Variants in CCNT1 observed in about 807,000 individuals in gnomAD.
CCNT1 encodes cyclin-T1.
CCNT1 carries 18 observed loss-of-function variants against 67.3 expected under a neutral mutation model. The ratio of observed to expected loss-of-function variants is 0.27; its 90% CI spans 0.18 to 0.40. The LOEUF is 0.40. Among genes scored for constraint, CCNT1 ranks in the 10% least tolerant of loss-of-function variants. The pLI, the probability that CCNT1 is intolerant of heterozygous loss-of-function variation, is 1.00. For synonymous variants in CCNT1, 333 were observed against 310.3 expected (o/e 1.07, Z -0.77); for missense variants, 744 against 884.9 (o/e 0.84, Z 2.02).
rs1223164085 is a variant in CCNT1 at position 48,701,003 on chromosome 12, A to G, written c.433+10T>C. 6.7e-7 allele frequency: 1 copy of G among 1,483,682 alleles called. No homozygotes were observed. Among genetic ancestry groups the G allele is most frequent in the Non-Finnish European group, 9.2e-7 (1 of 1,083,898 alleles). The allele number at this position is 1,483,682 out of a possible 1,614,324, so 91.9% of individuals were successfully genotyped here. On this transcript the variant is annotated intron_variant, in intron 4 of 8. Transcript: ENST00000261900. ...ATTTAAAAAAATGTTTCAAAGGAAAATAAACTTACCTAAAGTCTGCAAAAT... is the reference window on the plus strand; with the variant it reads ...ATTTAAAAAAATGTTTCAAAGGAAAGTAAACTTACCTAAAGTCTGCAAAAT...
intron 2 of CCNT1, among the ~76,000 whole-genome samples, chr12:48,709,637 G>A (rs1012028338): frequency 6.6e-6 from 1 of 152,108 alleles, no homozygotes; most frequent in Non-Finnish European, 1.5e-5. Context: ...AGGGAAGTAT[G>A]GAAAGATGTC....
Position 48,692,985 on chromosome 12 carries a change from T to C in CCNT1, c.*48A>G. The C allele has an allele frequency of 8.3e-7, 1 of 1,210,688 alleles. No homozygotes were observed. The allele number at this position is 1,210,688 out of a possible 1,614,324, so 75.0% of individuals were successfully genotyped here. A position where few individuals can be genotyped will look rare whatever the true frequency, so the allele number is the denominator to read the frequency against. ...TTAGTCCAAAAAAAAAAAAGAAAAA[T>C]TATGTGTTTTTTTAAAGAAGTTTTT... On this transcript the variant is annotated 3_prime_UTR_variant, in exon 9 of 9. Transcript: ENST00000261900.
At chr12:48,713,852 C>T (rs1051261605) in intron 2 of CCNT1, among the ~76,000 whole-genome samples, 1 of 152,102 alleles carries the variant, frequency 6.6e-6, no homozygotes, top group African/African-American at 2.4e-5. Flanking sequence ...TAATGTTACT[C>T]CTCCAACCCC....
chr12:48,698,093 G>A, intron 6 of CCNT1, 45 bp downstream of exon 6: 1 of 1,303,820 alleles, frequency 7.7e-7, no homozygotes, highest in Non-Finnish European at 1.1e-6. Flanking sequence ...CTCAAGTAAA[G>A]TCCTATACCA....
chr12:48,707,304 T>G (rs1342069072), intron 2 of CCNT1, among the ~76,000 whole-genome samples: 1 of 150,316 alleles, frequency 6.7e-6, no homozygotes, highest in Non-Finnish European at 1.5e-5. Flanking sequence ...TTTTTTTTTT[T>G]GAGACAGCAT....
chr12:48,699,519 C>T (rs1006074857), intron 5 of CCNT1, among the ~76,000 whole-genome samples: 1 of 152,186 alleles, frequency 6.6e-6, no homozygotes, highest in Non-Finnish European at 1.5e-5. Context: ...CATAAAATTT[C>T]TGTTAAATAA....
In CCNT1 at chr12:48,695,260, A is replaced by G. The variant is rs143793360; in HGVS notation, c.777+499T>C. ...ATGGAAACATTTTAAAACAAGTTTT[A>G]TATCTGACAGAAAAAAAAGGAATGA... On this transcript the variant is annotated intron_variant, in intron 8 of 8. Transcript: ENST00000261900. 2.7e-4 allele frequency among the ~76,000 whole-genome samples: 41 copies of G among 152,354 alleles called. 1 individual carries two copies. The East Asian group carries it at 7.7e-3, about 29-fold the overall frequency.
At chr12:48,708,480 G>T (rs573034778) in intron 2 of CCNT1, among the ~76,000 whole-genome samples, 58 of 152,140 alleles carry the variant, frequency 3.8e-4, no homozygotes, top group African/African-American at 1.3e-3. Flanking sequence ...CCAGGAGGTG[G>T]GGGTTGCAGT....
Position 48,701,089 on chromosome 12 carries a change from C to A in CCNT1, c.373-16G>T. On this transcript the variant is annotated splice_polypyrimidine_tract_variant and intron_variant, in intron 3 of 8. Coordinates refer to ENST00000261900, the MANE Select transcript of CCNT1 (RefSeq NM_001240.4). ...GCAAATAAGCCTAAAAGTGAGAAGA[C>A]AGAAATTATTCCCTACAAAGGCACA... 6.6e-7 allele frequency: 1 copy of A among 1,519,162 alleles called. No individual in the cohort carries two copies. Among genetic ancestry groups the A allele is most frequent in the South Asian group, 1.2e-5 (1 of 83,218 alleles). 94.1% of individuals were successfully genotyped at this position (1,519,162 alleles called of 1,614,324 possible).
intron 1 of CCNT1, among the ~76,000 whole-genome samples, chr12:48,715,238 G>A (rs979126824): frequency 2.6e-5 from 4 of 152,208 alleles, no homozygotes; most frequent in Non-Finnish European, 5.9e-5. Context: ...CTGGACATCA[G>A]CAGGAAACAA....
At chr12:48,705,989 T>TA (rs1940351192) in intron 2 of CCNT1, 93 bp from the exon 3 acceptor site, 2 of 1,264,330 alleles carry the variant, frequency 1.6e-6, no homozygotes, top group Non-Finnish European at 2.1e-6. Flanking sequence ...CAAATCAAGT[T>TA]ATTTGCTTGC....
rs147368011 is a variant in CCNT1 at position 48,693,216 on chromosome 12, G to A, written c.1998C>T (p.Ser666=). The change falls in exon 9 of 9, where the codon TCC becomes TCT. Residue 666 remains serine, a synonymous_variant. Transcript: ENST00000261900. ...DYQDTVNMLH[S]LLSAQGVQPT... ...GCTGAACACCCTGGGCACTGAGCAG[G>A]GAGTGAAGCATATTCACAGTGTCTT... 6.2e-7 allele frequency: 1 copy of A among 1,614,200 alleles called. No homozygotes were observed. Among genetic ancestry groups the A allele is most frequent in the African/African-American group, 1.3e-5 (1 of 75,060 alleles).
intron 2 of CCNT1, 136 bp from the exon 3 acceptor site, chr12:48,706,032 C>T: frequency 2.9e-6 from 2 of 699,416 alleles, no homozygotes; most frequent in Non-Finnish European, 4.5e-6. Context: ...CCTTTCCCGC[C>T]CCCCCGCTTC....
chr12:48,697,534 A>AAAAAAAAAAAAAAAAAATATATAT (rs1288926072), intron 6 of CCNT1, among the ~76,000 whole-genome samples: 1 of 130,710 alleles, frequency 7.7e-6, no homozygotes, highest in African/African-American at 3.0e-5. Flanking sequence ...AAAAAAAAAA[A>AAAAAAAAAAAAAAAAAATATATAT]ATATATATAT....
At position 48,694,065 on chromosome 12, in the gene CCNT1, T is replaced by C. The variant is rs1263562422; in HGVS notation, c.1149A>G (p.Pro383=). Residue 383 remains proline (P), a synonymous_variant, in exon 9 of 9, where the codon CCA becomes CCG. Transcript: ENST00000261900. The part of the protein sequence containing the change: ...ISQKQNSKSV[P]SAKVSLKEYR... The stretch of plus-strand genomic sequence containing the variant: ...ATTCTTTCAGTGACACTTTAGCTGA[T>C]GGCACACTCTTACTATTCTGCTTCT... 1.2e-6 allele frequency: 2 copies of C among 1,614,212 alleles called. No individual in the cohort carries two copies. The highest frequency in any genetic ancestry group is 2.2e-5 in the South Asian group (2 of 91,086).
chr12:48,705,688 G>T (rs1362570678), intron 3 of CCNT1, 80 bp downstream of exon 3: 3 of 1,111,620 alleles, frequency 2.7e-6, no homozygotes, highest in Non-Finnish European at 2.6e-6. Flanking sequence ...AATACATAAA[G>T]ATCCAGGCAT....
Position 48,700,886 on chromosome 12 carries a change from T to A in CCNT1, c.433+127A>T, listed in dbSNP as rs1940254635. 3 of 571,618 alleles carry A rather than the reference T, an allele frequency of 5.2e-6. No homozygotes were observed. The Admixed American group carries it at 9.5e-5, about 18-fold the overall frequency. The allele number at this position is 571,618 out of a possible 1,614,324, so 35.4% of individuals were successfully genotyped here. On this transcript the variant is annotated intron_variant, in intron 4 of 8. Coordinates refer to ENST00000261900, the MANE Select transcript of CCNT1 (RefSeq NM_001240.4). ...GCTAAACTCAGGTCTACAACCTCTA[T>A]CATCTGGAAACAGAGGGACACTACA...
chr12:48,695,441 C>T (rs1478394548), intron 8 of CCNT1, among the ~76,000 whole-genome samples: 9 of 152,162 alleles, frequency 5.9e-5, no homozygotes, highest in Admixed American at 6.5e-5. Flanking sequence ...CTCTATCTTG[C>T]CTCTACCAGA....
Position 48,690,181 on chromosome 12 carries a change from C to A in CCNT1, c.*2852G>T, listed in dbSNP as rs1940050732. 1 of 152,204 alleles carries A rather than the reference C, an allele frequency of 6.6e-6. No homozygotes were observed. Among genetic ancestry groups the A allele is most frequent in the African/African-American group, 2.4e-5 (1 of 41,452 alleles). 9.4% of individuals were successfully genotyped at this position (152,204 alleles called of 1,614,324 possible). Reference sequence around the variant, plus strand: ...GGTATCTGATTAAAAGCCTTAAGGACAATCCACAGGTATTTGTTTTTGCCA... The same window carrying A: ...GGTATCTGATTAAAAGCCTTAAGGAAAATCCACAGGTATTTGTTTTTGCCA... On this transcript the variant is annotated 3_prime_UTR_variant, in exon 9 of 9. Coordinates refer to ENST00000261900, the MANE Select transcript of CCNT1 (RefSeq NM_001240.4).
Sources: gnomAD v4.1 joint callset for allele counts (sites outside exome capture counted in the v4.1 genomes callset) on GRCh38, gnomAD v4.1.1 for gene constraint, MANE v1.5 for transcripts, NCBI Gene and HGNC (gene_info 2026-07-23, HGNC 2026-07-21) for gene names.